PLXDC2: variants seen among roughly 807,000 people sequenced by gnomAD.
PLXDC2 encodes plexin domain-containing protein 2.
PLXDC2 carries 40 observed loss-of-function variants against 68.9 expected under a neutral mutation model. The observed-to-expected ratio is 0.58, with a 90% CI of 0.45 to 0.76. The LOEUF (loss-of-function observed/expected upper bound fraction) is 0.76, where lower values mean the gene tolerates loss of function less well. Ranked by LOEUF, PLXDC2 falls within the 30% of genes least tolerant of loss-of-function variation. The pLI is 0.00. For synonymous variants in PLXDC2, 243 were observed against 234.2 expected (o/e 1.04, Z -0.34); for missense variants, 644 against 661.9 (o/e 0.97, Z 0.30).
At chr10:19,950,777 A>C (rs1216161994) in intron 1 of PLXDC2, among the ~76,000 whole-genome samples, 1 of 152,214 alleles carries the variant, frequency 6.6e-6, no homozygotes, top group Admixed American at 6.5e-5. Context: ...TAAACAAAAC[A>C]GCATGGTACT....
At chr10:19,998,772 G>A (rs1375081624) in intron 1 of PLXDC2, among the ~76,000 whole-genome samples, 1 of 151,058 alleles carries the variant, frequency 6.6e-6, no homozygotes, top group East Asian at 2.0e-4. Context: ...AACAGCAAGC[G>A]AGAGATACAA....
At chr10:20,261,852 C>G (rs1220181609) in intron 13 of PLXDC2, among the ~76,000 whole-genome samples, 1 of 100,334 alleles carries the variant, frequency 1.0e-5, no homozygotes, top group Non-Finnish European at 2.5e-5. Flanking sequence ...AAAACTCCAT[C>G]TCAAATAATA....
chr10:20,244,501 G>A (rs888718694), intron 12 of PLXDC2, among the ~76,000 whole-genome samples: 1 of 152,122 alleles, frequency 6.6e-6, no homozygotes, highest in South Asian at 2.1e-4. Flanking sequence ...ACTATTTGAG[G>A]GTCATTAAGC....
intron 4 of PLXDC2, among the ~76,000 whole-genome samples, chr10:20,105,192 G>A (rs1487212944): frequency 6.6e-6 from 1 of 152,090 alleles, no homozygotes; most frequent in Non-Finnish European, 1.5e-5. Flanking sequence ...CCTTTTATTG[G>A]CATATGGTGA....
rs1838210880 is a variant in PLXDC2 at position 19,904,618 on chromosome 10, T to C, written c.112+87427T>C. On this transcript the variant is annotated intron_variant, in intron 1 of 13. Transcript: ENST00000377252. ...GTTTTTCAGTGTCTCATGAAGGCTG[T>C]AGCAGTGATCCAGTTCCTTCAAAGG... 2.0e-5 allele frequency among the ~76,000 whole-genome samples: 3 copies of C among 152,196 alleles called. No homozygotes were observed. In the South Asian group the frequency reaches 6.2e-4, roughly 32 times the overall value.
In PLXDC2 at chr10:19,921,114, T is replaced by TC. The variant is rs202239502; in HGVS notation, c.113-80661_113-80660insC. ...GGCTTTCTTTTTCTTTTCTTCTTCT[T>TC]TTTTTTTTTTTTTTGTCGCCCAGGG... On this transcript the variant is annotated intron_variant, in intron 1 of 13. Coordinates refer to ENST00000377252, the MANE Select transcript of PLXDC2 (RefSeq NM_032812.9). 6.7e-4 allele frequency among the ~76,000 whole-genome samples: 52 copies of TC among 77,878 alleles called. No homozygotes were observed. In the East Asian group the frequency reaches 0.018, roughly 27 times the overall value. 51.1% of individuals were successfully genotyped at this position (77,878 alleles called of 152,430 possible).
intron 1 of PLXDC2, among the ~76,000 whole-genome samples, chr10:19,936,985 T>G (rs7897805): frequency 0.15 from 22,964 of 152,140 alleles, 2,238 homozygotes; most frequent in African/African-American, 0.26. Flanking sequence ...TCAGCACTTT[T>G]TATCTTTTCA....
In PLXDC2 at chr10:20,287,441, C is replaced by G. The variant is rs936909852; in HGVS notation, c.*7622C>G. 3.3e-5 allele frequency: 5 copies of G among 152,178 alleles called. No individual in the cohort carries two copies. Among genetic ancestry groups the G allele is most frequent in the African/African-American group, 1.2e-4 (5 of 41,454 alleles). 9.4% of individuals were successfully genotyped at this position (152,178 alleles called of 1,614,324 possible). A position where few individuals can be genotyped will look rare whatever the true frequency, so the allele number is the denominator to read the frequency against. ...CTGGATTTCTCTGAGATTTGACCAT[C>G]TCAGGACTCAGACAGACTCCAGTGC... On this transcript the variant is annotated 3_prime_UTR_variant, in exon 14 of 14. Coordinates refer to ENST00000377252, the MANE Select transcript of PLXDC2 (RefSeq NM_032812.9).
chr10:20,243,460 G>A (rs1314498518), intron 12 of PLXDC2, among the ~76,000 whole-genome samples: 1 of 152,016 alleles, frequency 6.6e-6, no homozygotes, highest in African/African-American at 2.4e-5. Flanking sequence ...AGAATTTTCA[G>A]CCTTACTAGA....
At chr10:19,859,872 C>T (rs1837287181) in intron 1 of PLXDC2, among the ~76,000 whole-genome samples, 1 of 152,094 alleles carries the variant, frequency 6.6e-6, no homozygotes. Flanking sequence ...GCTGGGATTA[C>T]AGGTGCGCTC....
At chr10:20,133,508 C>T (rs1251404188) in intron 4 of PLXDC2, among the ~76,000 whole-genome samples, 3 of 152,142 alleles carry the variant, frequency 2.0e-5, no homozygotes, top group East Asian at 3.9e-4. Flanking sequence ...ACTTTCAACA[C>T]TTTGAATTTA....
intron 9 of PLXDC2, among the ~76,000 whole-genome samples, chr10:20,200,821 A>G (rs768884339): frequency 6.6e-6 from 1 of 152,130 alleles, no homozygotes; most frequent in Non-Finnish European, 1.5e-5. Context: ...CAAAACCACA[A>G]TGAGGTATCA....
chr10:20,121,047 C>T (rs2461933), intron 4 of PLXDC2, among the ~76,000 whole-genome samples: 54,480 of 151,924 alleles, frequency 0.36, 12,188 homozygotes, highest in Non-Finnish European at 0.52. Context: ...TGTGGGAGGC[C>T]GGATTGAAGT....
intron 1 of PLXDC2, among the ~76,000 whole-genome samples, chr10:19,828,179 A>G (rs1836611449): frequency 6.6e-6 from 1 of 152,226 alleles, no homozygotes; most frequent in Admixed American, 6.5e-5. Context: ...GCTCCAATCA[A>G]GACTTTGTCT....
intron 1 of PLXDC2, among the ~76,000 whole-genome samples, chr10:19,838,031 T>C (rs1386491521): frequency 6.6e-6 from 1 of 152,154 alleles, no homozygotes; most frequent in African/African-American, 2.4e-5. Flanking sequence ...CAGGGTCTCA[T>C]TCTATTGCCC....
intron 1 of PLXDC2, among the ~76,000 whole-genome samples, chr10:19,923,974 G>A (rs77705109): frequency 0.045 from 6,897 of 152,236 alleles, 175 homozygotes; most frequent in Non-Finnish European, 0.058. Context: ...TGAAGGGGAA[G>A]GATTGCTTGA....
intron 1 of PLXDC2, among the ~76,000 whole-genome samples, chr10:19,867,652 C>T (rs1182786742): frequency 6.6e-6 from 1 of 152,084 alleles, no homozygotes; most frequent in Admixed American, 6.6e-5. Flanking sequence ...TGTGGGGAGG[C>T]GTGTGGCAGG....
intron 12 of PLXDC2, among the ~76,000 whole-genome samples, chr10:20,220,135 T>C (rs1391953180): frequency 6.6e-6 from 1 of 152,248 alleles, no homozygotes. Flanking sequence ...TTTTGTAGTG[T>C]TTTATTTCAT....
chr10:20,024,796 A>C (rs1227891030), intron 2 of PLXDC2, among the ~76,000 whole-genome samples: 1 of 152,060 alleles, frequency 6.6e-6, no homozygotes, highest in Non-Finnish European at 1.5e-5. Context: ...TTCAGGTCCT[A>C]CTTATAAGTG....
Sources: gnomAD v4.1 joint callset for allele counts (sites outside exome capture counted in the v4.1 genomes callset) on GRCh38, gnomAD v4.1.1 for gene constraint, MANE v1.5 for transcripts, NCBI Gene and HGNC (gene_info 2026-07-23, HGNC 2026-07-21) for gene names.